CSTPP1: variants seen among roughly 807,000 people sequenced by gnomAD.
The protein encoded by CSTPP1 is UPF0705 protein C11orf49.
chr11:47,016,698 G>C, the CSTPP1 span, among the ~76,000 whole-genome samples: 6 of 152,156 alleles, frequency 3.9e-5, no homozygotes, highest in Non-Finnish European at 8.8e-5. Context: ...CAGGCAGACA[G>C]GAGGGAGGAA....
the CSTPP1 span, among the ~76,000 whole-genome samples, chr11:47,036,700 G>A: frequency 2.4e-5 from 3 of 126,778 alleles, no homozygotes; most frequent in African/African-American, 7.5e-5. Context: ...TGTTTGAGAC[G>A]CAGTCTCTTC....
chr11:47,083,277 CA>C, the CSTPP1 span, among the ~76,000 whole-genome samples: 4 of 152,142 alleles, frequency 2.6e-5, no homozygotes, highest in South Asian at 4.1e-4. Context: ...TAACATGTAT[CA>C]GTACTTTATT....
chr11:46,999,585 A>T, the CSTPP1 span, among the ~76,000 whole-genome samples: 1 of 152,222 alleles, frequency 6.6e-6, no homozygotes, highest in Non-Finnish European at 1.5e-5. Context: ...TTGCAAGCTT[A>T]TCACACAGCC....
At chr11:46,992,511 A>C in the CSTPP1 span, among the ~76,000 whole-genome samples, 1 of 151,358 alleles carries the variant, frequency 6.6e-6, no homozygotes, top group Non-Finnish European at 1.5e-5. Context: ...TCCTTGTGAC[A>C]GTTTGCTCAG....
the CSTPP1 span, among the ~76,000 whole-genome samples, chr11:46,984,586 CT>C: frequency 3.3e-5 from 5 of 150,752 alleles, no homozygotes; most frequent in South Asian, 2.1e-4. Context: ...AAAATTCCTG[CT>C]TTTTTTTTCT....
chr11:47,047,823 A>G, the CSTPP1 span, among the ~76,000 whole-genome samples: 1 of 152,226 alleles, frequency 6.6e-6, no homozygotes, highest in South Asian at 2.1e-4. Flanking sequence ...CAACAACAAA[A>G]CAACCCAATT....
At chr11:46,992,665 C>T in the CSTPP1 span, among the ~76,000 whole-genome samples, 2,141 of 152,182 alleles carry the variant, frequency 0.014, 15 homozygotes, top group Non-Finnish European at 0.023. Context: ...GGTTCCAAGT[C>T]TTTGCTATCG....
the CSTPP1 span, among the ~76,000 whole-genome samples, chr11:46,992,840 T>A: frequency 1.3e-5 from 2 of 152,230 alleles, no homozygotes; most frequent in East Asian, 3.8e-4. Context: ...TTGAACTAGT[T>A]TACAGTCCCA....
At chr11:47,116,008 A>G in the CSTPP1 span, among the ~76,000 whole-genome samples, 10 of 152,324 alleles carry the variant, frequency 6.6e-5, no homozygotes, top group East Asian at 1.9e-3. Flanking sequence ...AGATTCTGGT[A>G]CGTTGTGTCT....
the CSTPP1 span, among the ~76,000 whole-genome samples, chr11:47,059,586 G>C: frequency 6.6e-6 from 1 of 152,196 alleles, no homozygotes; most frequent in Non-Finnish European, 1.5e-5. Context: ...CACGATTTCT[G>C]AAAGTATGAT....
At chr11:46,936,863 C>T in the CSTPP1 span, 13 of 1,558,640 alleles carry the variant, frequency 8.3e-6, no homozygotes, top group Admixed American at 2.3e-4. Context: ...TAGGAACCCC[C>T]TTTAACTTTG....
chr11:46,966,464 G>C, the CSTPP1 span, among the ~76,000 whole-genome samples: 1 of 152,100 alleles, frequency 6.6e-6, no homozygotes, highest in Admixed American at 6.5e-5. Context: ...GTGAAAGCTT[G>C]ACTTTTTATC....
the CSTPP1 span, among the ~76,000 whole-genome samples, chr11:47,150,107 A>T: frequency 6.6e-6 from 1 of 152,048 alleles, no homozygotes; most frequent in African/African-American, 2.4e-5. Context: ...CCTGGTTTTT[A>T]GACTGTCCAT....
At chr11:47,084,052 C>T in the CSTPP1 span, among the ~76,000 whole-genome samples, 1 of 152,208 alleles carries the variant, frequency 6.6e-6, no homozygotes, top group African/African-American at 2.4e-5. Context: ...CCAGTTTTTA[C>T]AATTGCTTGT....
At chr11:47,046,634 T>A in the CSTPP1 span, among the ~76,000 whole-genome samples, 1 of 150,812 alleles carries the variant, frequency 6.6e-6, no homozygotes, top group Non-Finnish European at 1.5e-5. Flanking sequence ...AACACAATTT[T>A]CTTTTCTTTT....
chr11:47,114,003 C>T, the CSTPP1 span, among the ~76,000 whole-genome samples: 1 of 152,182 alleles, frequency 6.6e-6, no homozygotes, highest in African/African-American at 2.4e-5. Flanking sequence ...AGTCTTTAAT[C>T]CATCTTGAAT....
the CSTPP1 span, among the ~76,000 whole-genome samples, chr11:47,073,321 G>A: frequency 2.0e-4 from 31 of 152,234 alleles, no homozygotes; most frequent in Admixed American, 1.4e-3. Flanking sequence ...ATCCGGTGTC[G>A]GGATGTATGG....
chr11:47,120,204 T>C, the CSTPP1 span, among the ~76,000 whole-genome samples: 2 of 152,182 alleles, frequency 1.3e-5, no homozygotes, highest in Non-Finnish European at 2.9e-5. The surrounding 1 kb of genome is among the most constrained non-coding windows in gnomAD (Gnocchi z 4.2). Flanking sequence ...ATATACTACA[T>C]TGCTTTTAGG....
the CSTPP1 span, among the ~76,000 whole-genome samples, chr11:47,141,545 T>G: frequency 6.6e-6 from 1 of 151,778 alleles, no homozygotes; most frequent in Non-Finnish European, 1.5e-5. Context: ...GGGCAGAGGT[T>G]GTAGTAAGCT....
Sources: allele counts gnomAD v4.1 joint callset (sites outside exome capture counted in the v4.1 genomes callset), GRCh38; gene constraint gnomAD v4.1.1; non-coding constraint Gnocchi (gnomAD v3.1); transcripts MANE v1.5; gene names NCBI Gene and HGNC (gene_info 2026-07-23, HGNC 2026-07-21).